SNX29: variants seen among roughly 807,000 people sequenced by gnomAD.
SNX29 encodes the protein sorting nexin 29.
A neutral mutation model predicts 102.1 loss-of-function variants in SNX29; 78 were observed. That is an observed-to-expected ratio of 0.76 (90% confidence interval 0.64 to 0.92). The LOEUF (loss-of-function observed/expected upper bound fraction) is 0.92, where lower values mean the gene tolerates loss of function less well. Ranked by LOEUF, SNX29 falls within the 40% of genes least tolerant of loss-of-function variation. The pLI, the probability that SNX29 is intolerant of heterozygous loss-of-function variation, is 0.00. For synonymous variants in SNX29, 580 were observed against 414.5 expected (o/e 1.40, Z -4.85); for missense variants, 1,280 against 1,061.7 (o/e 1.21, Z -2.86).
chr16:12,057,975 T>C (rs537099277), intron 8 of SNX29, among the ~76,000 whole-genome samples: 1 of 151,826 alleles, frequency 6.6e-6, no homozygotes, highest in East Asian at 1.9e-4. Flanking sequence ...CCACCACCAC[T>C]CCCGGTTAAT....
At chr16:12,032,203 C>CTT (rs781326269) in intron 4 of SNX29, among the ~76,000 whole-genome samples, 11 of 124,398 alleles carry the variant, frequency 8.8e-5, no homozygotes, top group Non-Finnish European at 1.1e-4. Context: ...TCTTCTTCTT[C>CTT]TTTTTTTTTT....
intron 15 of SNX29, among the ~76,000 whole-genome samples, chr16:12,314,300 G>GT (rs2080660863): frequency 6.6e-6 from 1 of 152,224 alleles, no homozygotes; most frequent in African/African-American, 2.4e-5. Context: ...TACCCAGCTT[G>GT]TTAATTGTAG....
At chr16:12,438,182 A>G (rs1179999991) in intron 18 of SNX29, among the ~76,000 whole-genome samples, 1 of 151,810 alleles carries the variant, frequency 6.6e-6, no homozygotes, top group Non-Finnish European at 1.5e-5. Context: ...CTTTATTCTG[A>G]CCTACTTGAT....
chr16:12,247,335 C>T (rs1031350978), intron 14 of SNX29, among the ~76,000 whole-genome samples: 11 of 152,164 alleles, frequency 7.2e-5, no homozygotes, highest in Admixed American at 1.3e-4. Flanking sequence ...TTCGACAAAA[C>T]TCTATTATCA....
At chr16:12,395,017 G>T (rs1195508992) in intron 16 of SNX29, among the ~76,000 whole-genome samples, 1 of 152,114 alleles carries the variant, frequency 6.6e-6, no homozygotes, top group Non-Finnish European at 1.5e-5. Flanking sequence ...TTACCTGGGG[G>T]TGTGGTAATT....
chr16:12,155,060 C>T (rs542009017), intron 13 of SNX29, among the ~76,000 whole-genome samples: 1 of 152,224 alleles, frequency 6.6e-6, no homozygotes, highest in East Asian at 1.9e-4. Context: ...CCTCCCACCC[C>T]CCTTGCCCTT....
intron 19 of SNX29, among the ~76,000 whole-genome samples, chr16:12,501,107 A>G (rs2089100018): frequency 6.6e-6 from 1 of 152,180 alleles, no homozygotes; most frequent in Admixed American, 6.5e-5. Context: ...TGGGCTCTTC[A>G]TTCAGATTTA....
intron 13 of SNX29, among the ~76,000 whole-genome samples, chr16:12,148,927 C>G (rs865923132): frequency 6.6e-6 from 1 of 152,056 alleles, no homozygotes; most frequent in African/African-American, 2.4e-5. Context: ...GTCTCGAACT[C>G]CTGACCTCAG....
chr16:12,250,535 T>TA (rs572027312), intron 14 of SNX29, among the ~76,000 whole-genome samples: 26 of 152,338 alleles, frequency 1.7e-4, no homozygotes, highest in African/African-American at 6.0e-4. Context: ...CTTACCCACT[T>TA]ACCTCTCACT....
chr16:12,406,679 G>T lies in SNX29; in HGVS notation c.2037+3150G>T, dbSNP rs1265367318. Reference sequence around the variant, plus strand: ...TCCCAGCACTTTGGGAGGCCGAGATGGGTGGATCACTTGAGGTCAGGAGTT... The same window carrying T: ...TCCCAGCACTTTGGGAGGCCGAGATTGGTGGATCACTTGAGGTCAGGAGTT... On this transcript the variant is annotated intron_variant, in intron 18 of 20. Coordinates refer to ENST00000566228, the MANE Select transcript of SNX29 (RefSeq NM_032167.5). 2.0e-5 allele frequency among the ~76,000 whole-genome samples: 3 copies of T among 152,242 alleles called. 1 individual carries two copies. The South Asian group carries it at 6.2e-4, about 32-fold the overall frequency.
intron 18 of SNX29, among the ~76,000 whole-genome samples, chr16:12,446,291 A>G (rs575604348): frequency 1.4e-4 from 21 of 152,158 alleles, no homozygotes; most frequent in Non-Finnish European, 2.8e-4. Context: ...CCTGACCTCA[A>G]GTGATCCACC....
intron 18 of SNX29, among the ~76,000 whole-genome samples, chr16:12,408,161 A>AAAC: frequency 6.6e-6 from 1 of 151,026 alleles, no homozygotes. Flanking sequence ...CCTTCTCAAA[A>AAAC]AAACAAACAA....
At chr16:12,067,129 G>C (rs897119448) in intron 9 of SNX29, among the ~76,000 whole-genome samples, 1 of 152,042 alleles carries the variant, frequency 6.6e-6, no homozygotes, top group Non-Finnish European at 1.5e-5. Context: ...AGGCTGCAGT[G>C]AGCTATAATC....
chr16:12,230,932 C>G (rs190996093), intron 14 of SNX29, among the ~76,000 whole-genome samples: 1 of 152,076 alleles, frequency 6.6e-6, no homozygotes, highest in East Asian at 1.9e-4. Flanking sequence ...CTGCAACTTA[C>G]GCCTCTTGGG....
intron 20 of SNX29, among the ~76,000 whole-genome samples, chr16:12,545,154 A>G (rs987432450): frequency 2.0e-5 from 3 of 152,158 alleles, no homozygotes; most frequent in African/African-American, 7.2e-5. Flanking sequence ...TGAAGTACAG[A>G]CACTCTGCCA....
intron 13 of SNX29, among the ~76,000 whole-genome samples, chr16:12,190,418 G>A (rs1241008872): frequency 6.6e-6 from 1 of 152,204 alleles, no homozygotes; most frequent in Non-Finnish European, 1.5e-5. Context: ...TAAAGTATGA[G>A]ACTTGTTAAG....
chr16:12,047,092 G>C (rs991449561), intron 6 of SNX29, among the ~76,000 whole-genome samples: 4 of 152,210 alleles, frequency 2.6e-5, no homozygotes, highest in African/African-American at 9.7e-5. Flanking sequence ...GGCAGATGCC[G>C]TAAGCTTTGC....
At chr16:12,408,998 G>T (rs921078724) in intron 18 of SNX29, among the ~76,000 whole-genome samples, 1 of 152,226 alleles carries the variant, frequency 6.6e-6, no homozygotes, top group Non-Finnish European at 1.5e-5. Flanking sequence ...CAAAAAGTTT[G>T]TGTTCCTGTG....
chr16:12,481,392 A>G (rs968101338), intron 19 of SNX29, among the ~76,000 whole-genome samples: 4 of 147,800 alleles, frequency 2.7e-5, no homozygotes, highest in Non-Finnish European at 5.9e-5. Context: ...ATATATATAT[A>G]TATACACACA....
Sources: allele counts gnomAD v4.1 joint callset (sites outside exome capture counted in the v4.1 genomes callset), GRCh38; gene constraint gnomAD v4.1.1; transcripts MANE v1.5; gene names NCBI Gene and HGNC (gene_info 2026-07-23, HGNC 2026-07-21).